APBA2: variants seen among roughly 807,000 people sequenced by gnomAD.
APBA2 encodes amyloid beta precursor protein binding family A member 2.
Under a neutral mutation model 75.0 loss-of-function variants are expected in APBA2, and 30 were observed. The ratio of observed to expected loss-of-function variants is 0.40; its 90% CI spans 0.30 to 0.54. The LOEUF (loss-of-function observed/expected upper bound fraction) is 0.54. Ranked by LOEUF, APBA2 falls within the 20% of genes least tolerant of loss-of-function variation. The pLI is 0.49. For synonymous variants in APBA2, 444 were observed against 409.6 expected (o/e 1.08, Z -1.01); for missense variants, 801 against 1,016.1 (o/e 0.79, Z 2.88).
intron 2 of APBA2, among the ~76,000 whole-genome samples, chr15:28,935,000 G>T (rs1035051861): frequency 2.0e-5 from 3 of 152,180 alleles, no homozygotes; most frequent in African/African-American, 7.2e-5. Context: ...CCATGGCATG[G>T]TGACTATAAT....
At chr15:29,026,494 A>G (rs752150982) in intron 3 of APBA2, among the ~76,000 whole-genome samples, 5 of 152,186 alleles carry the variant, frequency 3.3e-5, no homozygotes, top group Admixed American at 3.3e-4. Context: ...CAGTTAATTC[A>G]TTAGTTGTTG....
intron 1 of APBA2, among the ~76,000 whole-genome samples, chr15:28,911,770 C>A (rs1426969210): frequency 1.3e-5 from 2 of 152,162 alleles, no homozygotes; most frequent in African/African-American, 2.4e-5. Context: ...TGATTCTAAT[C>A]AGAAGTGGAA....
At chr15:28,926,059 A>T (rs943081233) in intron 2 of APBA2, among the ~76,000 whole-genome samples, 1 of 152,154 alleles carries the variant, frequency 6.6e-6, no homozygotes, top group Non-Finnish European at 1.5e-5. Flanking sequence ...TTAACCTACC[A>T]GTGTCTCTGC....
At chr15:29,009,288 G>T (rs1443926789) in intron 3 of APBA2, among the ~76,000 whole-genome samples, 2 of 152,202 alleles carry the variant, frequency 1.3e-5, no homozygotes, top group South Asian at 2.1e-4. Context: ...CCCTCAGAAC[G>T]CGCACCTGGA....
intron 1 of APBA2, chr15:28,894,142 T>C (rs574144621): frequency 1.3e-4 from 20 of 152,360 alleles, no homozygotes; most frequent in South Asian, 4.1e-4. Flanking sequence ...TCACCTTGCC[T>C]GTCATTCACC....
At chr15:29,053,493 C>A (rs765757351) in intron 3 of APBA2, among the ~76,000 whole-genome samples, 3 of 152,094 alleles carry the variant, frequency 2.0e-5, no homozygotes, top group Non-Finnish European at 2.9e-5. Context: ...TTCGTGAGAG[C>A]AAACAACCTG....
chr15:28,892,432 CT>C (rs2032197687), intron 1 of APBA2, among the ~76,000 whole-genome samples: 1 of 152,178 alleles, frequency 6.6e-6, no homozygotes, highest in Non-Finnish European at 1.5e-5. Flanking sequence ...TAGATAGATA[CT>C]TGTGTTACAG....
chr15:29,039,322 G>A (rs1302795906), intron 3 of APBA2, among the ~76,000 whole-genome samples: 2 of 152,026 alleles, frequency 1.3e-5, no homozygotes, highest in African/African-American at 4.8e-5. Context: ...GTAGAGGAGA[G>A]GCTGTCAGGC....
At chr15:29,065,578 A>G (rs867324944) in intron 4 of APBA2, among the ~76,000 whole-genome samples, 31 of 152,206 alleles carry the variant, frequency 2.0e-4, no homozygotes, top group African/African-American at 7.0e-4. Flanking sequence ...ATGTGGAGAA[A>G]GGAGATGTGG....
intron 2 of APBA2, among the ~76,000 whole-genome samples, chr15:28,949,084 G>C (rs546407826): frequency 1.3e-5 from 2 of 152,092 alleles, no homozygotes; most frequent in South Asian, 4.2e-4. Context: ...CACCGAGAAG[G>C]GAGGAGAGCA....
chr15:28,980,581 T>G (rs1033344985), intron 2 of APBA2, among the ~76,000 whole-genome samples: 1 of 152,160 alleles, frequency 6.6e-6, no homozygotes, highest in Non-Finnish European at 1.5e-5. Context: ...TCCTCATGGA[T>G]TGAAAGAATC....
chr15:29,071,163 AGT>A, intron 4 of APBA2: 1 of 406,710 alleles, frequency 2.5e-6, no homozygotes, highest in South Asian at 1.8e-5. Flanking sequence ...CTGTACTTTC[AGT>A]TTCATCAAGC....
chr15:29,117,018 G>C, intron 14 of APBA2, 44 bp from the exon 15 acceptor site: 1 of 1,586,000 alleles, frequency 6.3e-7, no homozygotes, highest in Non-Finnish European at 8.7e-7. Context: ...TTGTGGGAGG[G>C]GAGGTGGGAG....
At chr15:29,029,699 G>A (rs1381651053) in intron 3 of APBA2, among the ~76,000 whole-genome samples, 8 of 152,106 alleles carry the variant, frequency 5.3e-5, no homozygotes, top group African/African-American at 1.7e-4. Flanking sequence ...GGGCAGACCT[G>A]GGAAAGCCCC....
intron 1 of APBA2, among the ~76,000 whole-genome samples, chr15:28,893,308 A>C (rs2032257470): frequency 1.3e-5 from 2 of 152,302 alleles, no homozygotes; most frequent in South Asian, 4.1e-4. Context: ...TGCAGTCACC[A>C]GGTTTAGGGT....
intron 3 of APBA2, among the ~76,000 whole-genome samples, chr15:29,038,932 A>G (rs2040882887): frequency 6.6e-6 from 1 of 151,840 alleles, no homozygotes; most frequent in South Asian, 2.1e-4. Flanking sequence ...TTGGCCTCCC[A>G]AAGTGCTGGG....
chr15:28,938,468 A>G (rs2035002638), intron 2 of APBA2, among the ~76,000 whole-genome samples: 2 of 152,270 alleles, frequency 1.3e-5, no homozygotes, highest in East Asian at 3.9e-4. Context: ...TAATTTTTAT[A>G]CACATATCAT....
intron 4 of APBA2, among the ~76,000 whole-genome samples, chr15:29,066,826 T>C (rs1309541584): frequency 7.2e-5 from 11 of 152,194 alleles, no homozygotes; most frequent in African/African-American, 2.7e-4. Flanking sequence ...TCTGAACCCA[T>C]GTAGCCATTA....
chr15:29,097,483 C>T (rs919766136), intron 8 of APBA2, among the ~76,000 whole-genome samples: 10 of 152,236 alleles, frequency 6.6e-5, no homozygotes, highest in African/African-American at 1.9e-4. Context: ...TTTCCTTCTA[C>T]GTGGACTCTG....
Sources: allele counts gnomAD v4.1 joint callset (sites outside exome capture counted in the v4.1 genomes callset), GRCh38; gene constraint gnomAD v4.1.1; transcripts MANE v1.5; gene names NCBI Gene and HGNC (gene_info 2026-07-23, HGNC 2026-07-21).